Variants in UBXN4 observed in about 807,000 individuals in gnomAD.
UBXN4 encodes UBX domain protein 4.
In UBXN4, 35 loss-of-function variants were observed where a neutral mutation model predicts 66.2. That is an observed-to-expected ratio of 0.53 (90% confidence interval 0.40 to 0.70). UBXN4 has a LOEUF of 0.70. UBXN4 is among the 30% of genes least tolerant of loss of function. The pLI, the probability that UBXN4 is intolerant of heterozygous loss-of-function variation, is 0.00. For synonymous variants in UBXN4, 203 were observed against 204.5 expected (o/e 0.99, Z 0.06); for missense variants, 533 against 599.8 (o/e 0.89, Z 1.16).
rs372352539 is a variant in UBXN4 at position 135,754,112 on chromosome 2, T to C, written c.215-47T>C. 5.9e-5 allele frequency: 80 copies of C among 1,361,348 alleles called. 1 individual carries two copies. In the African/African-American group the frequency reaches 1.1e-3, roughly 18 times the overall value. The allele number at this position is 1,361,348 out of a possible 1,614,324, so 84.3% of individuals were successfully genotyped here. A position where few individuals can be genotyped will look rare whatever the true frequency, so the allele number is the denominator to read the frequency against. ...TGTTACCAATAGTGTTTCGTAAAACTATCCTTTCGTTTCACATGAATTGTT... is the reference window on the plus strand; with the variant it reads ...TGTTACCAATAGTGTTTCGTAAAACCATCCTTTCGTTTCACATGAATTGTT... On this transcript the variant is annotated intron_variant, in intron 3 of 12. Transcript: ENST00000272638.
intron 5 of UBXN4, among the ~76,000 whole-genome samples, chr2:135,756,599 G>A (rs2077279838): frequency 6.6e-6 from 1 of 152,108 alleles, no homozygotes; most frequent in South Asian, 2.1e-4. Context: ...GGAACGGGGG[G>A]ACTCTATTAT....
In UBXN4 at chr2:135,783,115, A is replaced by G; in HGVS notation, c.*228A>G. ...ATATGGCAACCACTGCTAGAACCCTAAAAGAACCAAAAATCTGCCACAGCC... is the reference window on the plus strand; with the variant it reads ...ATATGGCAACCACTGCTAGAACCCTGAAAGAACCAAAAATCTGCCACAGCC... On this transcript the variant is annotated 3_prime_UTR_variant, in exon 13 of 13. Transcript: ENST00000272638. 2.8e-6 allele frequency: 1 copy of G among 359,568 alleles called. No individual in the cohort carries two copies. The highest frequency in any genetic ancestry group is 4.9e-6 in the Non-Finnish European group (1 of 202,102). The allele number at this position is 359,568 out of a possible 1,614,324, so 22.3% of individuals were successfully genotyped here. A position where few individuals can be genotyped will look rare whatever the true frequency, so the allele number is the denominator to read the frequency against.
chr2:135,770,650 T>C lies in UBXN4; in HGVS notation c.737T>C (p.Leu246Ser). The change falls in exon 8 of 13, where the codon TTA (leucine) becomes TCA (serine). Residue 246 changes from leucine to serine, a missense_variant. By Grantham distance (145) the Leu-to-Ser change is moderately radical. Coordinates refer to ENST00000272638, the MANE Select transcript of UBXN4 (RefSeq NM_014607.4). The part of the protein sequence containing the change: ...LDYKRKQEEE[L>S]TKRMLEERNR... ...TATAAAAGAAAACAAGAAGAAGAAT[T>C]AACAAAAAGAATGCTGGAGGAAAGA... The C allele has an allele frequency of 1.3e-6, 2 of 1,575,038 alleles. No individual in the cohort carries two copies. The highest frequency in any genetic ancestry group is 1.2e-5 in the South Asian group (1 of 83,566).
intron 1 of UBXN4, chr2:135,747,880 C>G (rs2077219411): frequency 2.9e-6 from 1 of 346,436 alleles, no homozygotes; most frequent in Non-Finnish European, 5.7e-6. Flanking sequence ...CTCAGCCTCC[C>G]AAAGTGCTGA....
chr2:135,752,413 C>G (rs534119293), intron 2 of UBXN4, among the ~76,000 whole-genome samples: 2 of 152,066 alleles, frequency 1.3e-5, no homozygotes, highest in South Asian at 4.2e-4. Context: ...AACTCCTGAC[C>G]TCGTGTCCAC....
In UBXN4 at chr2:135,748,286, A is replaced by C; in HGVS notation, c.102A>C (p.Thr34=). Residue 34 remains threonine, a synonymous_variant, in exon 2 of 13, where the codon ACA becomes ACC. Coordinates refer to ENST00000272638, the MANE Select transcript of UBXN4 (RefSeq NM_014607.4). Reference sequence around the variant, plus strand: ...TTACAGGTGATGATGAACAGTCTACACAGATGGCTGCAAGTTGGGAAGATG... The same window carrying C: ...TTACAGGTGATGATGAACAGTCTACCCAGATGGCTGCAAGTTGGGAAGATG... ...VFVAGDDEQS[T]QMAASWEDDK... The C allele has an allele frequency of 1.9e-6, 3 of 1,607,030 alleles. No individual in the cohort carries two copies. The highest frequency in any genetic ancestry group is 2.5e-6 in the Non-Finnish European group (3 of 1,176,560).
At chr2:135,772,326 AT>A in intron 8 of UBXN4, 93 bp from the exon 9 acceptor site, 1 of 1,436,138 alleles carries the variant, frequency 7.0e-7, no homozygotes, top group Non-Finnish European at 9.4e-7. Context: ...CTGTCTCTTA[AT>A]AAAAAAAAAA....
In UBXN4 at chr2:135,784,901, C is replaced by T. The variant is rs964724360; in HGVS notation, c.*2014C>T. The T allele has an allele frequency of 1.3e-5, 2 of 152,452 alleles. No individual in the cohort carries two copies. The highest frequency in any genetic ancestry group is 2.9e-5 in the Non-Finnish European group (2 of 68,014). 9.4% of individuals were successfully genotyped at this position (152,452 alleles called of 1,614,324 possible). A position where few individuals can be genotyped will look rare whatever the true frequency, so the allele number is the denominator to read the frequency against. The stretch of plus-strand genomic sequence containing the variant: ...AAAAAATTCACAACAGTATATAAGG[C>T]TGTAAAATGAGAATTCTGCCCCCTC... On this transcript the variant is annotated 3_prime_UTR_variant, in exon 13 of 13. Coordinates refer to ENST00000272638, the MANE Select transcript of UBXN4 (RefSeq NM_014607.4).
At chr2:135,777,015 CCT>C (rs1335464621) in intron 10 of UBXN4, among the ~76,000 whole-genome samples, 1 of 152,218 alleles carries the variant, frequency 6.6e-6, no homozygotes, top group African/African-American at 2.4e-5. Context: ...TTTTCTCACT[CCT>C]CTCTCCATTT....
At chr2:135,753,515 A>G in intron 2 of UBXN4, 24 bp from the exon 3 acceptor site, 1 of 1,517,588 alleles carries the variant, frequency 6.6e-7, no homozygotes, top group South Asian at 1.4e-5. Context: ...TCATCTAGTG[A>G]TTTTGTTTGA....
chr2:135,755,277 A>G (rs2105495972), intron 4 of UBXN4, among the ~76,000 whole-genome samples: 1 of 152,268 alleles, frequency 6.6e-6, no homozygotes. Context: ...TTGAATTCTA[A>G]TTTGAGGGAA....
chr2:135,750,270 G>C (rs1025171014), intron 2 of UBXN4, among the ~76,000 whole-genome samples: 3 of 152,098 alleles, frequency 2.0e-5, no homozygotes, highest in African/African-American at 7.2e-5. Flanking sequence ...CACTGTGCCT[G>C]GTGCTGAAAA....
intron 12 of UBXN4, among the ~76,000 whole-genome samples, chr2:135,781,532 G>A (rs2077448888): frequency 6.6e-6 from 1 of 152,158 alleles, no homozygotes; most frequent in African/African-American, 2.4e-5. Context: ...GTATGGAGAA[G>A]CCCTAGTCAT....
intron 1 of UBXN4, among the ~76,000 whole-genome samples, chr2:135,744,838 C>T (rs2077196923): frequency 6.6e-6 from 1 of 152,158 alleles, no homozygotes; most frequent in South Asian, 2.1e-4. Context: ...TCAGTCATCC[C>T]ACTCAGTAGT....
chr2:135,750,334 C>G (rs1181231408), intron 2 of UBXN4, among the ~76,000 whole-genome samples: 1 of 151,924 alleles, frequency 6.6e-6, no homozygotes, highest in African/African-American at 2.4e-5. Flanking sequence ...GATATTGATA[C>G]TATCAGAATG....
At chr2:135,744,242 G>C (rs1333705863) in intron 1 of UBXN4, among the ~76,000 whole-genome samples, 1 of 152,192 alleles carries the variant, frequency 6.6e-6, no homozygotes, top group Non-Finnish European at 1.5e-5. Context: ...GTTGGAAGAC[G>C]TGATCTCAAG....
At chr2:135,748,171 G>T in intron 1 of UBXN4, 96 bp from the exon 2 acceptor site, 2 of 899,896 alleles carry the variant, frequency 2.2e-6, no homozygotes, top group Non-Finnish European at 3.2e-6. Context: ...GTATAGGTGG[G>T]ATTATATTTT....
chr2:135,776,738 G>A (rs2077417354), intron 10 of UBXN4, among the ~76,000 whole-genome samples: 1 of 151,956 alleles, frequency 6.6e-6, no homozygotes, highest in Non-Finnish European at 1.5e-5. Context: ...GAACTTACAG[G>A]CATGTACTGC....
At chr2:135,752,439 A>G (rs1228869795) in intron 2 of UBXN4, among the ~76,000 whole-genome samples, 1 of 152,106 alleles carries the variant, frequency 6.6e-6, no homozygotes, top group African/African-American at 2.4e-5. Context: ...TTGACCTCCC[A>G]AATTGCTGGG....
Sources: allele counts gnomAD v4.1 joint callset (sites outside exome capture counted in the v4.1 genomes callset), GRCh38; gene constraint gnomAD v4.1.1; transcripts MANE v1.5; gene names NCBI Gene and HGNC (gene_info 2026-07-23, HGNC 2026-07-21).